COL19A1: variants seen among roughly 807,000 people sequenced by gnomAD.
COL19A1 encodes collagen alpha-1(XIX) chain.
COL19A1 carries 159 observed loss-of-function variants against 190.2 expected under a neutral mutation model. The ratio of observed to expected loss-of-function variants is 0.84; its 90% confidence interval spans 0.73 to 0.95. The LOEUF (loss-of-function observed/expected upper bound fraction) is 0.95. Ranked by LOEUF, COL19A1 falls within the 40% of genes least tolerant of loss-of-function variation. COL19A1 has a pLI of 0.00. For synonymous variants in COL19A1, 509 were observed against 458.9 expected, an observed-to-expected ratio of 1.11 and a Z score of -1.39; for missense variants, 1,418 against 1,431.9, an observed-to-expected ratio of 0.99 and a Z score of 0.16.
intron 9 of COL19A1, among the ~76,000 whole-genome samples, chr6:69,943,105 T>A (rs931160657): frequency 1.3e-5 from 2 of 152,158 alleles, no homozygotes; most frequent in Admixed American, 6.6e-5. Context: ...TAGGGTAAGA[T>A]GATATCTCAT....
intron 15 of COL19A1, among the ~76,000 whole-genome samples, chr6:70,073,350 C>T (rs1466275616): frequency 6.6e-6 from 1 of 152,052 alleles, no homozygotes; most frequent in East Asian, 1.9e-4. Context: ...TGTGTGAATT[C>T]CTCAGCCACT....
Position 69,996,916 on chromosome 6 carries a change from T to TTG in COL19A1, c.1027-26689_1027-26688dup, listed in dbSNP as rs200468204. ...TACATAATCTCTCTCTCAAAAAGACTTGTGTGTGTGTGTGTGTGTGTGTAT... is the reference window on the plus strand; with the variant it reads ...TACATAATCTCTCTCTCAAAAAGACTTGTGTGTGTGTGTGTGTGTGTGTGTAT... On this transcript the variant is annotated intron_variant, in intron 11 of 50. Coordinates refer to ENST00000620364, the MANE Select transcript of COL19A1 (RefSeq NM_001858.6). Among the ~76,000 whole-genome samples, 908 of 146,100 alleles carry TTG rather than the reference T, an allele frequency of 6.2e-3. 2 individuals carry two copies. Among genetic ancestry groups the TTG allele is most frequent in the Middle Eastern group, 0.021 (6 of 282 alleles).
intron 11 of COL19A1, among the ~76,000 whole-genome samples, chr6:70,021,001 C>A (rs1778385297): frequency 6.6e-6 from 1 of 152,076 alleles, no homozygotes; most frequent in Non-Finnish European, 1.5e-5. Context: ...GAGACATTGA[C>A]TCCTACTTTA....
intron 11 of COL19A1, among the ~76,000 whole-genome samples, chr6:69,985,242 A>G (rs1410673566): frequency 2.6e-5 from 4 of 152,180 alleles, no homozygotes; most frequent in African/African-American, 7.2e-5. Flanking sequence ...GAATAATTCC[A>G]TTTGTTTAAG....
chr6:69,972,412 G>A (rs758081211), intron 11 of COL19A1, among the ~76,000 whole-genome samples: 2 of 152,134 alleles, frequency 1.3e-5, no homozygotes, highest in African/African-American at 4.8e-5. Context: ...GTCTGTGTAC[G>A]TTTTTATCTC....
chr6:69,867,152 G>C (rs1767503573), intron 1 of COL19A1, among the ~76,000 whole-genome samples: 1 of 150,514 alleles, frequency 6.6e-6, no homozygotes. Context: ...GTTAAGCGGC[G>C]TAAGCTAAGA....
At chr6:70,099,789 C>G (rs755617117) in intron 15 of COL19A1, among the ~76,000 whole-genome samples, 1 of 152,186 alleles carries the variant, frequency 6.6e-6, no homozygotes, top group Non-Finnish European at 1.5e-5. Context: ...AATTACTTAG[C>G]AACCCCCAAA....
intron 2 of COL19A1, among the ~76,000 whole-genome samples, chr6:69,892,042 G>A (rs1475745477): frequency 6.6e-6 from 1 of 152,180 alleles, no homozygotes. Context: ...CAACAAGGGA[G>A]GGGAAAGGAT....
chr6:69,968,356 G>T (rs1257897016), intron 11 of COL19A1, among the ~76,000 whole-genome samples: 2 of 152,070 alleles, frequency 1.3e-5, no homozygotes, highest in Non-Finnish European at 2.9e-5. Context: ...CAGCAATTAT[G>T]ATATGTCTCA....
chr6:70,097,543 G>A (rs1037209224), intron 15 of COL19A1, among the ~76,000 whole-genome samples: 2 of 152,012 alleles, frequency 1.3e-5, no homozygotes, highest in Admixed American at 6.6e-5. Context: ...CTGCGAGTGA[G>A]GCTCAGCAAT....
chr6:70,194,160 G>A (rs973710619), intron 48 of COL19A1, among the ~76,000 whole-genome samples: 9 of 152,152 alleles, frequency 5.9e-5, no homozygotes, highest in Non-Finnish European at 8.8e-5. Context: ...GCGGCAAGTC[G>A]CAGACTGTCA....
At chr6:69,954,019 A>T (rs1465968800) in intron 9 of COL19A1, among the ~76,000 whole-genome samples, 1 of 152,178 alleles carries the variant, frequency 6.6e-6, no homozygotes, top group East Asian at 1.9e-4. Context: ...AGCCAGACAC[A>T]TCAGGGACTG....
intron 11 of COL19A1, among the ~76,000 whole-genome samples, chr6:69,975,370 T>C (rs554136346): frequency 6.6e-6 from 1 of 152,290 alleles, no homozygotes; most frequent in Admixed American, 6.5e-5. Context: ...AATGAAGGCA[T>C]TTGGATTTTG....
intron 11 of COL19A1, among the ~76,000 whole-genome samples, chr6:69,995,434 T>A (rs905905025): frequency 6.6e-6 from 1 of 152,144 alleles, no homozygotes; most frequent in Non-Finnish European, 1.5e-5. Flanking sequence ...TAGGTAGCTT[T>A]CCTGCCATAG....
intron 4 of COL19A1, among the ~76,000 whole-genome samples, chr6:69,918,517 C>T (rs1397023781): frequency 2.4e-4 from 37 of 151,864 alleles, no homozygotes; most frequent in South Asian, 2.1e-4. Context: ...GGAAACATGG[C>T]GAAATTCCAT....
chr6:70,001,009 A>G (rs868108756), intron 11 of COL19A1, among the ~76,000 whole-genome samples: 1 of 152,060 alleles, frequency 6.6e-6, no homozygotes, highest in African/African-American at 2.4e-5. Flanking sequence ...TGGGTTTTAC[A>G]TTTAAGTCTT....
intron 1 of COL19A1, among the ~76,000 whole-genome samples, chr6:69,878,816 T>C (rs1421916654): frequency 2.0e-5 from 3 of 152,210 alleles, no homozygotes; most frequent in African/African-American, 7.2e-5. Flanking sequence ...TGTCCATTGA[T>C]GGATGAACAG....
At position 70,156,708 on chromosome 6, in the gene COL19A1, G is replaced by A; in HGVS notation, c.2277G>A (p.Gly759=). Residue 759 remains glycine, a synonymous_variant, in exon 34 of 51, where the codon GGG becomes GGA. Coordinates refer to ENST00000620364, the MANE Select transcript of COL19A1 (RefSeq NM_001858.6). ...KGERGYPGIP[G]EKGDEGLQGI... is the part of the protein sequence containing the mutation. ...AGCGGGGCTACCCTGGGATACCTGG[G>A]GAGAAAGGCGATGAGGTAACAGATT... 2 of 1,611,178 alleles carry A rather than the reference G, an allele frequency of 1.2e-6. No homozygotes were observed. The highest frequency in any genetic ancestry group is 1.7e-6 in the Non-Finnish European group (2 of 1,178,264).
rs113841854 is a variant in COL19A1 at position 70,102,856 on chromosome 6, C to A, written c.1278+634C>A. On this transcript the variant is annotated intron_variant, in intron 16 of 50. Coordinates refer to ENST00000620364, the MANE Select transcript of COL19A1 (RefSeq NM_001858.6). ...CAACAATCTCTGCATTGCAGATTCC[C>A]TGAGCACTTTTCAGGCTTCTTCTTA... Among the ~76,000 whole-genome samples the A allele has an allele frequency of 5.6e-3, 851 of 152,258 alleles. 9 individuals carry two copies. The highest frequency in any genetic ancestry group is 0.02 in the African/African-American group (818 of 41,544).
Sources: gnomAD v4.1 joint callset for allele counts (sites outside exome capture counted in the v4.1 genomes callset) on GRCh38, gnomAD v4.1.1 for gene constraint, MANE v1.5 for transcripts, NCBI Gene and HGNC (gene_info 2026-07-23, HGNC 2026-07-21) for gene names.